NCR2: variants seen among roughly 807,000 people sequenced by gnomAD.
NCR2 encodes natural cytotoxicity triggering receptor 2, also known as NK cell activating receptor (NKp44).
In NCR2, 35 loss-of-function variants were observed where a neutral mutation model predicts 30.7. The observed-to-expected ratio is 1.14, with a 90% CI of 0.87 to 1.51. The LOEUF is 1.51. Ranked by LOEUF, NCR2 falls within the 40% of genes most tolerant of loss-of-function variation. The probability of loss-of-function intolerance (pLI) is 0.00; values close to 1 mark genes in which losing one functional copy is unlikely to be tolerated. For missense variants in NCR2, 316 were observed against 328.9 expected, an observed-to-expected ratio of 0.96 and a Z score of 0.30; for synonymous variants, 146 against 134.8, an observed-to-expected ratio of 1.08 and a Z score of -0.58.
rs573039828 is a variant in NCR2 at position 41,344,837 on chromosome 6, C to T, written c.644+2688C>T. ...TTGCTTAGAAGCCCCATGCGGGCCG[C>T]GGGGTGCTGTGGGCTCCAGGCGGAT... is the stretch of plus-strand genomic sequence containing the variant. On this transcript the variant is annotated intron_variant, in intron 4 of 4. Transcript: ENST00000373089. Among the ~76,000 whole-genome samples, 20 of 152,342 alleles carry T rather than the reference C, an allele frequency of 1.3e-4. No homozygotes were observed. The East Asian group carries it at 2.3e-3, about 18-fold the overall frequency.
At chr6:41,349,288 T>C (rs1211282690) in intron 4 of NCR2, among the ~76,000 whole-genome samples, 1 of 151,894 alleles carries the variant, frequency 6.6e-6, no homozygotes, top group African/African-American at 2.4e-5. Flanking sequence ...AGTGCTAAGA[T>C]AATCTTTTGT....
At chr6:41,341,434 T>G (rs1474649676) in intron 2 of NCR2, among the ~76,000 whole-genome samples, 1 of 151,976 alleles carries the variant, frequency 6.6e-6, no homozygotes. Context: ...CCCAGAGGCA[T>G]GAGAAAGAGA....
In NCR2 at chr6:41,336,379, T is replaced by C. The variant is rs1364208472; in HGVS notation, c.345T>C (p.Ser115=). The change falls in exon 2 of 5, where the codon TCT becomes TCC. Residue 115 remains serine (S), a synonymous_variant. Coordinates refer to ENST00000373089, the MANE Select transcript of NCR2 (RefSeq NM_004828.4). ...GHYWCRIYRP[S]DNSVSKSVRF... ...ACTGGTGTAGAATCTACCGCCCTTC[T>C]GACAACTCTGTCTCTAAGTCCGTCA... 1 of 1,614,018 alleles carries C rather than the reference T, an allele frequency of 6.2e-7. No homozygotes were observed. Among genetic ancestry groups the C allele is most frequent in the African/African-American group, 1.3e-5 (1 of 75,032 alleles).
At chr6:41,349,159 T>C (rs1256617284) in intron 4 of NCR2, among the ~76,000 whole-genome samples, 1 of 147,544 alleles carries the variant, frequency 6.8e-6, no homozygotes, top group African/African-American at 2.4e-5. Context: ...TTAATAATTT[T>C]AAATAAATTA....
At chr6:41,336,941 G>A (rs1769048047) in intron 2 of NCR2, among the ~76,000 whole-genome samples, 1 of 152,154 alleles carries the variant, frequency 6.6e-6, no homozygotes, top group African/African-American at 2.4e-5. Context: ...TCAAATTTCA[G>A]TGCCTATAAG....
chr6:41,342,918 G>C lies in NCR2; in HGVS notation c.644+769G>C. 3.9e-6 allele frequency: 6 copies of C among 1,550,390 alleles called. No individual in the cohort carries two copies. In the South Asian group the frequency reaches 7.1e-5, roughly 18 times the overall value. On this transcript the variant is annotated intron_variant, in intron 4 of 4. Transcript: ENST00000373089. ...CATGTATTTCTCCCCTCATCTCAAGGGTTTTAAGGAATCGGCACATGCAGC... is the reference window on the plus strand; with the variant it reads ...CATGTATTTCTCCCCTCATCTCAAGCGTTTTAAGGAATCGGCACATGCAGC...
In NCR2 at chr6:41,343,772, C is replaced by T. The variant is rs189204614; in HGVS notation, c.644+1623C>T. Reference sequence around the variant, plus strand: ...CTGTTCAGGGATTTGGCTGTTACCTCTCTCTCCTAATTTCTCGGAAGGTGA... The same window carrying T: ...CTGTTCAGGGATTTGGCTGTTACCTTTCTCTCCTAATTTCTCGGAAGGTGA... On this transcript the variant is annotated intron_variant, in intron 4 of 4. Coordinates refer to ENST00000373089, the MANE Select transcript of NCR2 (RefSeq NM_004828.4). 2.5e-3 allele frequency among the ~76,000 whole-genome samples: 372 copies of T among 151,748 alleles called. 6 individuals are homozygous for T. The highest frequency in any genetic ancestry group is 4.1e-4 in the Non-Finnish European group (28 of 67,916).
rs1769188559 is a variant in NCR2 at position 41,342,099 on chromosome 6, T to C, written c.594T>C (p.Cys198=). 1 of 1,613,788 alleles carries C rather than the reference T, an allele frequency of 6.2e-7. No homozygotes were observed. ...AAPIALVPVF[C]GLLVAKSLVL... is the part of the protein sequence containing the mutation. Reference sequence around the variant, plus strand: ...CCATTGCCCTGGTGCCTGTGTTCTGTGGACTCCTCGTAGCCAAGAGCCTGG... The same window carrying C: ...CCATTGCCCTGGTGCCTGTGTTCTGCGGACTCCTCGTAGCCAAGAGCCTGG... The change falls in exon 4 of 5, where the codon TGT becomes TGC. Residue 198 remains cysteine (C), a synonymous_variant. Transcript: ENST00000373089.
rs569855556 is a variant in NCR2, at chr6:41,341,671, T to C, written c.395-123T>C. ...TTCAGTCCCCACCCCTCAAATTAGT[T>C]TTCTTCTCTGGGCGCATGGGCTCTG... On this transcript the variant is annotated intron_variant, in intron 2 of 4. Coordinates refer to ENST00000373089, the MANE Select transcript of NCR2 (RefSeq NM_004828.4). The C allele has an allele frequency of 1.7e-5, 22 of 1,301,060 alleles. No individual in the cohort carries two copies. The South Asian group carries it at 2.9e-4, about 17-fold the overall frequency. The allele number at this position is 1,301,060 out of a possible 1,614,324, so 80.6% of individuals were successfully genotyped here.
chr6:41,348,269 G>A (rs1229598092), intron 4 of NCR2, among the ~76,000 whole-genome samples: 1 of 152,158 alleles, frequency 6.6e-6, no homozygotes, highest in Non-Finnish European at 1.5e-5. Flanking sequence ...ATGAGGTCCA[G>A]GAACTCATCA....
Position 41,336,073 on chromosome 6 carries a change from TCATC to T in NCR2, c.53-13_53-10del. 2.5e-6 allele frequency: 4 copies of T among 1,609,878 alleles called. No homozygotes were observed. In the South Asian group the frequency reaches 4.4e-5, roughly 18 times the overall value. ...GCGTGGCCTTGACCTATGCGTTACTTCATCATTCTCCAGGCTCTCAGGCACAATC... is the reference window on the plus strand; with the variant it reads ...GCGTGGCCTTGACCTATGCGTTACTTATTCTCCAGGCTCTCAGGCACAATC... On this transcript the variant is annotated splice_polypyrimidine_tract_variant and intron_variant, in intron 1 of 4. Coordinates refer to ENST00000373089, the MANE Select transcript of NCR2 (RefSeq NM_004828.4).
intron 4 of NCR2, among the ~76,000 whole-genome samples, chr6:41,344,439 A>G (rs1769250660): frequency 6.6e-6 from 1 of 152,184 alleles, no homozygotes; most frequent in Admixed American, 6.5e-5. Flanking sequence ...CCGATGTTGG[A>G]CCTACCAGAC....
At chr6:41,348,943 C>T (rs1769366407) in intron 4 of NCR2, among the ~76,000 whole-genome samples, 1 of 151,880 alleles carries the variant, frequency 6.6e-6, no homozygotes, top group South Asian at 2.1e-4. Flanking sequence ...TAATGTTCGA[C>T]TGAAAAATCT....
intron 4 of NCR2, among the ~76,000 whole-genome samples, chr6:41,344,337 C>G (rs1039197269): frequency 1.3e-5 from 2 of 152,166 alleles, no homozygotes; most frequent in Admixed American, 1.3e-4. Flanking sequence ...GGTCAAGAGG[C>G]GCCTCAACTC....
chr6:41,345,687 G>A (rs1446233713), intron 4 of NCR2, among the ~76,000 whole-genome samples: 1 of 152,038 alleles, frequency 6.6e-6, no homozygotes, highest in Non-Finnish European at 1.5e-5. Context: ...AGATGCCCAG[G>A]ATGCCCTGGT....
intron 4 of NCR2, among the ~76,000 whole-genome samples, chr6:41,345,937 G>T (rs140821275): frequency 1.3e-5 from 2 of 152,160 alleles, no homozygotes; most frequent in South Asian, 2.1e-4. Flanking sequence ...GGAGGGAGGC[G>T]GTTTGTTCTC....
chr6:41,338,895 G>A (rs1455870290), intron 2 of NCR2, among the ~76,000 whole-genome samples: 1 of 152,144 alleles, frequency 6.6e-6, no homozygotes, highest in African/African-American at 2.4e-5. Context: ...ATGGATTGTT[G>A]GTCTTTGCAG....
At chr6:41,342,735 GAA>G (rs1358292622) in intron 4 of NCR2, among the ~76,000 whole-genome samples, 1 of 152,186 alleles carries the variant, frequency 6.6e-6, no homozygotes, top group African/African-American at 2.4e-5. Context: ...ACACAGGAGG[GAA>G]ACAGCCCCCA....
chr6:41,336,577 A>G (rs954169983), intron 2 of NCR2, 149 bp downstream of exon 2: 4 of 644,114 alleles, frequency 6.2e-6, no homozygotes, highest in Admixed American at 5.8e-5. Context: ...GGGGGAACTC[A>G]TATGTGCACA....
Sources: allele counts gnomAD v4.1 joint callset (sites outside exome capture counted in the v4.1 genomes callset), GRCh38; gene constraint gnomAD v4.1.1; transcripts MANE v1.5; gene names NCBI Gene and HGNC (gene_info 2026-07-23, HGNC 2026-07-21).